Variants in LPP observed in about 807,000 individuals in gnomAD.
LPP encodes the protein lipoma-preferred partner.
Under a neutral mutation model 60.4 loss-of-function variants are expected in LPP, and 38 were observed. That is an observed-to-expected ratio of 0.63 (90% CI 0.49 to 0.83). LPP has a LOEUF of 0.83. Among genes scored for constraint, LPP ranks in the 40% least tolerant of loss-of-function variants. The probability of loss-of-function intolerance (pLI) is 0.00; values close to 1 mark genes in which losing one functional copy is unlikely to be tolerated. For synonymous variants in LPP, 328 were observed against 290.8 expected, an observed-to-expected ratio of 1.13 and a Z score of -1.30; for missense variants, 902 against 783.6, an observed-to-expected ratio of 1.15 and a Z score of -1.80.
chr3:188,723,749 T>C (rs1717339295), intron 8 of LPP, among the ~76,000 whole-genome samples: 1 of 152,184 alleles, frequency 6.6e-6, no homozygotes, highest in African/African-American at 2.4e-5. Flanking sequence ...CACTATAGCA[T>C]ATCCCAGGAA....
chr3:188,335,281 T>C (rs1368227426), intron 2 of LPP, among the ~76,000 whole-genome samples: 1 of 152,252 alleles, frequency 6.6e-6, no homozygotes, highest in African/African-American at 2.4e-5. Flanking sequence ...TTTCTGCATC[T>C]AATGAGATAA....
chr3:188,730,073 A>G (rs541131969), intron 8 of LPP, among the ~76,000 whole-genome samples: 3 of 152,232 alleles, frequency 2.0e-5, no homozygotes, highest in East Asian at 1.9e-4. Flanking sequence ...ATATATACAC[A>G]CATATAGATT....
At position 188,876,786 on chromosome 3, in the gene LPP, G is replaced by A; in HGVS notation, c.*2307G>A. ...TTATTGAATATTTATACTATAAAAT[G>A]CAGTAACATTCTACTTGCTTATTAC... On this transcript the variant is annotated 3_prime_UTR_variant, in exon 12 of 12. Transcript: ENST00000617246. 5.4e-6 allele frequency: 1 copy of A among 184,994 alleles called. No individual in the cohort carries two copies. Among genetic ancestry groups the A allele is most frequent in the East Asian group, 8.8e-5 (1 of 11,376 alleles). 11.5% of individuals were successfully genotyped at this position (184,994 alleles called of 1,614,324 possible). A position where few individuals can be genotyped will look rare whatever the true frequency, so the allele number is the denominator to read the frequency against.
chr3:188,299,076 G>A (rs1560216369), intron 2 of LPP, among the ~76,000 whole-genome samples: 2 of 152,196 alleles, frequency 1.3e-5, no homozygotes. Flanking sequence ...ATCAGAATCA[G>A]TTAACTCTTT....
chr3:188,706,398 C>A (rs1865487623), intron 7 of LPP, among the ~76,000 whole-genome samples: 1 of 152,174 alleles, frequency 6.6e-6, no homozygotes, highest in Non-Finnish European at 1.5e-5. Context: ...AATTGTTCAA[C>A]AATGCAATAA....
chr3:188,725,812 A>G (rs1416302076), intron 8 of LPP, among the ~76,000 whole-genome samples: 1 of 152,158 alleles, frequency 6.6e-6, no homozygotes, highest in African/African-American at 2.4e-5. Flanking sequence ...GCTTACTATG[A>G]ATGGAAAAGT....
At chr3:188,819,068 G>A (rs1753256473) in intron 9 of LPP, among the ~76,000 whole-genome samples, 1 of 130,400 alleles carries the variant, frequency 7.7e-6, no homozygotes, top group Admixed American at 7.8e-5. Context: ...GTGTGTGTGT[G>A]TGTTACTTAC....
chr3:188,856,273 A>G (rs1325842104), intron 9 of LPP, among the ~76,000 whole-genome samples: 3 of 152,244 alleles, frequency 2.0e-5, no homozygotes. Flanking sequence ...ACTAAATAAG[A>G]TACATGGCAA....
chr3:188,349,214 G>A (rs1765205734), intron 3 of LPP, among the ~76,000 whole-genome samples: 1 of 152,192 alleles, frequency 6.6e-6, no homozygotes, highest in Admixed American at 6.5e-5. Context: ...AAAAGCCTGA[G>A]TTGAAAGCCA....
chr3:188,186,531 C>A (rs1478931761), intron 1 of LPP, among the ~76,000 whole-genome samples: 3 of 151,918 alleles, frequency 2.0e-5, no homozygotes, highest in Non-Finnish European at 4.4e-5. Flanking sequence ...ACTTTTGTGA[C>A]CTCTTGGTCC....
At position 188,203,073 on chromosome 3, in the gene LPP, A is replaced by ATTATAAATTTATAATT. The variant is rs1731536953; in HGVS notation, c.-189-22331_-189-22330insTATAAATTTATAATTT. The stretch of plus-strand genomic sequence containing the variant: ...TATAATAAAAATATTTATTATAATT[A>ATTATAAATTTATAATT]TATAATAATTAAATTATAGTAAAAA... On this transcript the variant is annotated intron_variant, in intron 1 of 11. Transcript: ENST00000617246. 4.8e-5 allele frequency among the ~76,000 whole-genome samples: 7 copies of ATTATAAATTTATAATT among 144,500 alleles called. No individual in the cohort carries two copies. The South Asian group carries it at 1.5e-3, about 30-fold the overall frequency. The allele number at this position is 144,500 out of a possible 152,430, so 94.8% of individuals were successfully genotyped here.
At chr3:188,344,781 G>T (rs1763898260) in intron 3 of LPP, among the ~76,000 whole-genome samples, 1 of 152,192 alleles carries the variant, frequency 6.6e-6, no homozygotes, top group South Asian at 2.1e-4. Flanking sequence ...GGTAGCGGTA[G>T]TCCCTTACCC....
intron 6 of LPP, among the ~76,000 whole-genome samples, chr3:188,589,869 A>G (rs1464672202): frequency 6.6e-6 from 1 of 152,224 alleles, no homozygotes; most frequent in Non-Finnish European, 1.5e-5. Flanking sequence ...TAGCTTGTGT[A>G]GCTCCATTTG....
At chr3:188,710,684 T>C (rs920208946) in intron 8 of LPP, 1 of 152,164 alleles carries the variant, frequency 6.6e-6, no homozygotes, top group African/African-American at 2.4e-5. Flanking sequence ...TCTCTGTATT[T>C]AGGTCCTATT....
At chr3:188,687,257 C>G (rs1050812288) in intron 7 of LPP, among the ~76,000 whole-genome samples, 1 of 152,192 alleles carries the variant, frequency 6.6e-6, no homozygotes, top group Admixed American at 6.5e-5. Context: ...CTCCCCCACC[C>G]TGGTATACCA....
At chr3:188,164,669 T>C (rs1049540366) in intron 1 of LPP, among the ~76,000 whole-genome samples, 6 of 152,176 alleles carry the variant, frequency 3.9e-5, no homozygotes, top group African/African-American at 1.4e-4. Context: ...AGGTGAAAGA[T>C]AGGTCAGTGT....
At chr3:188,403,160 A>G (rs1578635678) in intron 3 of LPP, among the ~76,000 whole-genome samples, 2 of 152,310 alleles carry the variant, frequency 1.3e-5, no homozygotes, top group Admixed American at 6.5e-5. Context: ...GGAGGGCAGC[A>G]TGCGGGTAAT....
chr3:188,691,454 G>A (rs546947623), intron 7 of LPP, among the ~76,000 whole-genome samples: 2 of 152,324 alleles, frequency 1.3e-5, no homozygotes, highest in South Asian at 4.1e-4. Flanking sequence ...TTGGAGTAAG[G>A]CCTGGCCCAA....
At chr3:188,606,798 C>T (rs541799587) in intron 6 of LPP, among the ~76,000 whole-genome samples, 3 of 152,092 alleles carry the variant, frequency 2.0e-5, no homozygotes, top group South Asian at 2.1e-4. Flanking sequence ...AAAAAGTCAG[C>T]GTAGATGGGC....
Sources: gnomAD v4.1 joint callset for allele counts (sites outside exome capture counted in the v4.1 genomes callset) on GRCh38, gnomAD v4.1.1 for gene constraint, MANE v1.5 for transcripts, NCBI Gene and HGNC (gene_info 2026-07-23, HGNC 2026-07-21) for gene names.